The following ADAMTS12 variants were observed in gnomAD, a reference collection of about 807,000 sequenced individuals.
The protein encoded by ADAMTS12 is A disintegrin and metalloproteinase with thrombospondin motifs 12.
A neutral mutation model predicts 167.8 loss-of-function variants in ADAMTS12; 118 were observed. That is an observed-to-expected ratio of 0.70 (90% CI 0.61 to 0.82). The LOEUF (loss-of-function observed/expected upper bound fraction) is 0.82. ADAMTS12 is among the 40% of genes least tolerant of loss of function. ADAMTS12 has a pLI of 0.00. For synonymous variants in ADAMTS12, 704 were observed against 716.9 expected (o/e 0.98, Z 0.29); for missense variants, 1,916 against 1,998.8 (o/e 0.96, Z 0.79).
rs919553351 is a variant in ADAMTS12, at chr5:33,526,757, GA to G, written c.*430del. The G allele has an allele frequency of 1.8e-4, 27 of 149,744 alleles. No individual in the cohort carries two copies. Among genetic ancestry groups the G allele is most frequent in the African/African-American group, 3.2e-4 (13 of 40,418 alleles). The allele number at this position is 149,744 out of a possible 1,614,324, so 9.3% of individuals were successfully genotyped here. On this transcript the variant is annotated 3_prime_UTR_variant, in exon 24 of 24. Coordinates refer to ENST00000504830, the MANE Select transcript of ADAMTS12 (RefSeq NM_030955.4). ...GCAGCTGCCCCAGGCAGGGAGGCAA[GA>G]AAAAAAAAAGAAAGGTATTCATCAA... is the stretch of plus-strand genomic sequence containing the variant.
chr5:33,821,760 C>A (rs971258337), intron 2 of ADAMTS12, among the ~76,000 whole-genome samples: 2 of 152,174 alleles, frequency 1.3e-5, no homozygotes, highest in Non-Finnish European at 2.9e-5. Flanking sequence ...CATGAAGCTA[C>A]TTCCCTTCTC....
rs112961156 is a variant in ADAMTS12 at position 33,885,341 on chromosome 5, A to C, written c.128-3861T>G. Among the ~76,000 whole-genome samples, 118 of 152,264 alleles carry C rather than the reference A, an allele frequency of 7.7e-4. 2 individuals are homozygous for C. The highest frequency in any genetic ancestry group is 2.7e-3 in the African/African-American group (112 of 41,562). On this transcript the variant is annotated intron_variant, in intron 1 of 23. Coordinates refer to ENST00000504830, the MANE Select transcript of ADAMTS12 (RefSeq NM_030955.4). ...ATAATGGGTAAGAGTACATATTTTTATGATGATGAGATTTGGGGTGTGGTT... is the reference window on the plus strand; with the variant it reads ...ATAATGGGTAAGAGTACATATTTTTCTGATGATGAGATTTGGGGTGTGGTT...
chr5:33,766,388 C>T (rs1356310037), intron 2 of ADAMTS12, among the ~76,000 whole-genome samples: 1 of 152,038 alleles, frequency 6.6e-6, no homozygotes, highest in African/African-American at 2.4e-5. Context: ...AAAAATCTGA[C>T]CAATACATCA....
At chr5:33,805,500 T>C (rs748547873) in intron 2 of ADAMTS12, among the ~76,000 whole-genome samples, 3 of 152,124 alleles carry the variant, frequency 2.0e-5, no homozygotes, top group African/African-American at 7.2e-5. Flanking sequence ...CATCCAGCAA[T>C]TGATCACATT....
At chr5:33,720,996 T>C (rs939842598) in intron 3 of ADAMTS12, among the ~76,000 whole-genome samples, 1 of 152,200 alleles carries the variant, frequency 6.6e-6, no homozygotes, top group East Asian at 1.9e-4. Context: ...AACAGTAGAA[T>C]GAAGAAATAA....
At chr5:33,666,931 C>T (rs186185880) in intron 5 of ADAMTS12, among the ~76,000 whole-genome samples, 79 of 152,244 alleles carry the variant, frequency 5.2e-4, no homozygotes, top group African/African-American at 1.7e-3. Context: ...ATGCTTAGCA[C>T]GTTATGGCTT....
At chr5:33,698,313 C>A (rs1276686002) in intron 3 of ADAMTS12, among the ~76,000 whole-genome samples, 2 of 152,254 alleles carry the variant, frequency 1.3e-5, no homozygotes, top group African/African-American at 2.4e-5. Context: ...AGGAAGCCTG[C>A]AAAAGATCTG....
At chr5:33,831,664 C>T (rs898976304) in intron 2 of ADAMTS12, among the ~76,000 whole-genome samples, 2 of 152,242 alleles carry the variant, frequency 1.3e-5, no homozygotes, top group Admixed American at 1.3e-4. Context: ...TCCACATTCA[C>T]TGTGCTGCTT....
Position 33,546,220 on chromosome 5 carries a change from C to T in ADAMTS12, c.4303-18G>A. The T allele has an allele frequency of 6.3e-7, 1 of 1,595,332 alleles. No individual in the cohort carries two copies. The highest frequency in any genetic ancestry group is 8.5e-7 in the Non-Finnish European group (1 of 1,171,658). ...CTGGAGCACTGATACACAGCAGTGA[C>T]AAGATTAGGTAAAAGTCAGGTGGAG... On this transcript the variant is annotated intron_variant, in intron 21 of 23. Transcript: ENST00000504830.
In ADAMTS12 at chr5:33,826,792, G is replaced by C. The variant is rs188567197; in HGVS notation, c.489+54327C>G. Among the ~76,000 whole-genome samples, 579 of 152,164 alleles carry C rather than the reference G, an allele frequency of 3.8e-3. 3 individuals carry two copies. The highest frequency in any genetic ancestry group is 6.8e-3 in the Middle Eastern group (2 of 294). On this transcript the variant is annotated intron_variant, in intron 2 of 23. Coordinates refer to ENST00000504830, the MANE Select transcript of ADAMTS12 (RefSeq NM_030955.4). Reference sequence around the variant, plus strand: ...AACAAGTATCAAATAAAAATAAACAGTTAAGTACTACCTTGATGGTAAACT... The same window carrying C: ...AACAAGTATCAAATAAAAATAAACACTTAAGTACTACCTTGATGGTAAACT...
chr5:33,532,243 T>G (rs1744141959), intron 23 of ADAMTS12, among the ~76,000 whole-genome samples: 1 of 152,206 alleles, frequency 6.6e-6, no homozygotes, highest in Admixed American at 6.5e-5. Context: ...TCAATGTTGT[T>G]GACAAATACA....
intron 3 of ADAMTS12, among the ~76,000 whole-genome samples, chr5:33,722,658 C>A (rs1681557904): frequency 6.6e-6 from 1 of 152,132 alleles, no homozygotes; most frequent in Admixed American, 6.5e-5. Flanking sequence ...CGATCTTTAG[C>A]TGGAAGGGTA....
At chr5:33,622,861 G>C (rs891658832) in intron 14 of ADAMTS12, among the ~76,000 whole-genome samples, 1 of 152,074 alleles carries the variant, frequency 6.6e-6, no homozygotes, top group African/African-American at 2.4e-5. Context: ...TTCCAAATAA[G>C]TAATTCAGAG....
At chr5:33,602,530 C>T (rs927661252) in intron 16 of ADAMTS12, among the ~76,000 whole-genome samples, 1 of 152,150 alleles carries the variant, frequency 6.6e-6, no homozygotes, top group Non-Finnish European at 1.5e-5. Context: ...TCCTACCTGA[C>T]CATTATGGTG....
chr5:33,840,745 G>A (rs1748719154), intron 2 of ADAMTS12, among the ~76,000 whole-genome samples: 2 of 152,152 alleles, frequency 1.3e-5, no homozygotes, highest in Non-Finnish European at 2.9e-5. Context: ...GGATCCCCAG[G>A]GCCACCCTGC....
chr5:33,538,405 T>C (rs1744519407), intron 22 of ADAMTS12, among the ~76,000 whole-genome samples: 1 of 152,000 alleles, frequency 6.6e-6, no homozygotes, highest in South Asian at 2.1e-4. Context: ...CAATCCAAGA[T>C]GAGATTTGGG....
intron 2 of ADAMTS12, among the ~76,000 whole-genome samples, chr5:33,847,599 G>A (rs1748993943): frequency 6.6e-6 from 1 of 151,596 alleles, no homozygotes; most frequent in Admixed American, 6.6e-5. Flanking sequence ...CTCCAGCCTG[G>A]GCAACAAGAG....
intron 2 of ADAMTS12, among the ~76,000 whole-genome samples, chr5:33,825,225 G>T (rs959178484): frequency 2.6e-5 from 4 of 152,140 alleles, no homozygotes; most frequent in Admixed American, 2.6e-4. Flanking sequence ...TGTGGAGGTG[G>T]CTCCACAAAG....
At position 33,683,869 on chromosome 5, in the gene ADAMTS12, A is replaced by T; in HGVS notation, c.821T>A (p.Ile274Asn). ...SENVESYILT[I>N]MNMVTGLFHN... ...TGTAGTCTGGCATACCATGTTCATGATGGTGAGGATGTAGGACTCCACATT... is the reference window on the plus strand; with the variant it reads ...TGTAGTCTGGCATACCATGTTCATGTTGGTGAGGATGTAGGACTCCACATT... Residue 274 changes from isoleucine to asparagine, a missense_variant, in exon 4 of 24, where the codon ATC (isoleucine) becomes AAC (asparagine). Ile to Asn is a moderately radical substitution (Grantham distance 149). Coordinates refer to ENST00000504830, the MANE Select transcript of ADAMTS12 (RefSeq NM_030955.4). 1 of 1,539,770 alleles carries T rather than the reference A, an allele frequency of 6.5e-7. No individual in the cohort carries two copies. The highest frequency in any genetic ancestry group is 8.8e-7 in the Non-Finnish European group (1 of 1,140,176).
Sources: allele counts gnomAD v4.1 joint callset (sites outside exome capture counted in the v4.1 genomes callset), GRCh38; gene constraint gnomAD v4.1.1; transcripts MANE v1.5; gene names NCBI Gene and HGNC (gene_info 2026-07-23, HGNC 2026-07-21).